SLC8A1: variants seen among roughly 807,000 people sequenced by gnomAD.
The protein encoded by SLC8A1 is solute carrier family 8 member A1.
Under a neutral mutation model 68.3 loss-of-function variants are expected in SLC8A1, and 18 were observed. That is an observed-to-expected ratio of 0.26 (90% CI 0.18 to 0.39). SLC8A1 has a LOEUF of 0.39. Among genes scored for constraint, SLC8A1 ranks in the 10% least tolerant of loss-of-function variants. SLC8A1 has a pLI of 1.00. For synonymous variants in SLC8A1, 475 were observed against 415.5 expected (o/e 1.14, Z -1.74); for missense variants, 985 against 1,156.7 (o/e 0.85, Z 2.15).
intron 2 of SLC8A1, among the ~76,000 whole-genome samples, chr2:40,199,633 G>A (rs2053752978): frequency 6.6e-6 from 1 of 151,726 alleles, no homozygotes; most frequent in Admixed American, 6.6e-5. Flanking sequence ...GAAGCAAGCA[G>A]AACAAGTTCT....
chr2:40,273,089 C>G (rs368924795), intron 2 of SLC8A1, among the ~76,000 whole-genome samples: 41 of 152,018 alleles, frequency 2.7e-4, no homozygotes, highest in African/African-American at 9.7e-4. Flanking sequence ...ATTACAGGCG[C>G]GCGCCACCAA....
At chr2:40,447,560 C>T (rs941241541) in intron 1 of SLC8A1, among the ~76,000 whole-genome samples, 4 of 147,306 alleles carry the variant, frequency 2.7e-5, no homozygotes, top group Admixed American at 2.1e-4. Flanking sequence ...ACTTTGTCTG[C>T]CAGTTGACCT....
At chr2:40,275,029 T>A (rs184678880) in intron 2 of SLC8A1, among the ~76,000 whole-genome samples, 7 of 152,336 alleles carry the variant, frequency 4.6e-5, no homozygotes, top group African/African-American at 1.4e-4. Flanking sequence ...GTTGAAGCAT[T>A]TTTAGCTAAA....
intron 2 of SLC8A1, among the ~76,000 whole-genome samples, chr2:40,299,660 C>G (rs955710665): frequency 2.6e-5 from 4 of 152,106 alleles, no homozygotes; most frequent in Non-Finnish European, 4.4e-5. Flanking sequence ...TAAATCCTCC[C>G]CCACCTTCAA....
intron 2 of SLC8A1, among the ~76,000 whole-genome samples, chr2:40,241,045 A>T (rs1267892242): frequency 6.6e-6 from 1 of 152,222 alleles, no homozygotes; most frequent in African/African-American, 2.4e-5. Context: ...AGGCACATGG[A>T]CTTGCACGTT....
chr2:40,338,864 G>A (rs952228616), intron 2 of SLC8A1, among the ~76,000 whole-genome samples: 26 of 152,046 alleles, frequency 1.7e-4, no homozygotes, highest in African/African-American at 6.3e-4. Context: ...TTTGAAAACA[G>A]CGTGCTGTAT....
At chr2:40,416,864 T>C (rs79097502) in intron 2 of SLC8A1, among the ~76,000 whole-genome samples, 25,128 of 151,882 alleles carry the variant, frequency 0.17, 2,258 homozygotes, top group Middle Eastern at 0.26. Context: ...AGCAACTACT[T>C]TTGCACCAAC....
chr2:40,206,952 T>C (rs937084870), intron 2 of SLC8A1, among the ~76,000 whole-genome samples: 1 of 152,080 alleles, frequency 6.6e-6, no homozygotes. Flanking sequence ...TGATTCTGAA[T>C]ACAGAAAAGC....
intron 2 of SLC8A1, among the ~76,000 whole-genome samples, chr2:40,421,406 T>G (rs1250146737): frequency 3.3e-5 from 5 of 152,146 alleles, no homozygotes; most frequent in African/African-American, 7.2e-5. Context: ...AAATTTGTCA[T>G]GGAAAAATGG....
intron 2 of SLC8A1, among the ~76,000 whole-genome samples, chr2:40,317,820 G>A (rs951104633): frequency 2.0e-5 from 3 of 152,118 alleles, no homozygotes; most frequent in African/African-American, 4.8e-5. Context: ...TTTGTGTTAT[G>A]TCCCCAATTT....
exon 8 of SLC8A1, chr2:40,110,342 G>A (rs774763485): frequency 4.6e-5 from 7 of 152,146 alleles, no homozygotes; most frequent in African/African-American, 9.7e-5. Flanking sequence ...AATGTACTGC[G>A]TGATGGGAAG....
At chr2:40,356,869 G>A (rs943185294) in intron 2 of SLC8A1, among the ~76,000 whole-genome samples, 1 of 152,166 alleles carries the variant, frequency 6.6e-6, no homozygotes, top group African/African-American at 2.4e-5. Context: ...TTACAGAAAT[G>A]CAAACCTTAC....
intron 2 of SLC8A1, among the ~76,000 whole-genome samples, chr2:40,197,631 C>A (rs528818426): frequency 3.9e-5 from 6 of 151,956 alleles, no homozygotes; most frequent in Non-Finnish European, 5.9e-5. Flanking sequence ...TTCCATTTTC[C>A]AAACTCTTAT....
chr2:40,312,716 C>A (rs1238819866), intron 2 of SLC8A1, among the ~76,000 whole-genome samples: 1 of 151,964 alleles, frequency 6.6e-6, no homozygotes, highest in Non-Finnish European at 1.5e-5. Context: ...TAAATAGAAG[C>A]AGAAGTTCCT....
intron 2 of SLC8A1, among the ~76,000 whole-genome samples, chr2:40,281,295 T>C (rs548865449): frequency 6.6e-6 from 1 of 152,270 alleles, no homozygotes; most frequent in Admixed American, 6.5e-5. Context: ...TGCTCTCAGA[T>C]GGCACAGCTG....
intron 2 of SLC8A1, among the ~76,000 whole-genome samples, chr2:40,256,473 C>A (rs924955330): frequency 6.6e-6 from 1 of 152,194 alleles, no homozygotes; most frequent in Admixed American, 6.5e-5. Context: ...GACAGACAGT[C>A]CTCTTTTCAA....
At chr2:40,191,707 G>A (rs1303980629) in intron 2 of SLC8A1, among the ~76,000 whole-genome samples, 2 of 152,140 alleles carry the variant, frequency 1.3e-5, no homozygotes, top group Non-Finnish European at 2.9e-5. Flanking sequence ...ATTCTGATGA[G>A]CTACATTTAA....
At chr2:40,132,227 C>T (rs2039526327) in intron 7 of SLC8A1, among the ~76,000 whole-genome samples, 2 of 151,982 alleles carry the variant, frequency 1.3e-5, no homozygotes, top group African/African-American at 4.8e-5. Flanking sequence ...GATAGAGTAG[C>T]TAAGTACCAG....
At chr2:40,305,527 A>G (rs2072403242) in intron 2 of SLC8A1, among the ~76,000 whole-genome samples, 1 of 152,222 alleles carries the variant, frequency 6.6e-6, no homozygotes. Flanking sequence ...GAAGCTATGT[A>G]TACACTATTC....
Sources: allele counts gnomAD v4.1 joint callset (sites outside exome capture counted in the v4.1 genomes callset), GRCh38; gene constraint gnomAD v4.1.1; transcripts MANE v1.5; gene names NCBI Gene and HGNC (gene_info 2026-07-23, HGNC 2026-07-21).